NFIB: variants seen among roughly 807,000 people sequenced by gnomAD.
NFIB encodes the protein nuclear factor 1 B-type.
A neutral mutation model predicts 61.5 loss-of-function variants in NFIB; 11 were observed. The observed-to-expected ratio is 0.18, with a 90% CI of 0.11 to 0.30. NFIB has a LOEUF of 0.30. NFIB is among the 10% of genes least tolerant of loss of function. The pLI is 1.00. For synonymous variants in NFIB, 260 were observed against 216.5 expected, an observed-to-expected ratio of 1.20 and a Z score of -1.76; for missense variants, 471 against 608.9, an observed-to-expected ratio of 0.77 and a Z score of 2.38.
the NFIB span, among the ~76,000 whole-genome samples, chr9:14,491,044 A>T: frequency 6.6e-6 from 1 of 152,240 alleles, no homozygotes; most frequent in Non-Finnish European, 1.5e-5. Flanking sequence ...AGAAATTAAA[A>T]GAAGCCCAAA....
At chr9:14,102,637 G>GA (rs56666602) in intron 10 of NFIB, 45,563 of 397,072 alleles carry the variant, frequency 0.11, 2,493 homozygotes, top group African/African-American at 0.37. Flanking sequence ...GCAACTTAAA[G>GA]AAAAAAAAAA....
chr9:14,154,002 T>C lies in NFIB; in HGVS notation c.685+1823A>G, dbSNP rs370012729. 2.4e-4 allele frequency among the ~76,000 whole-genome samples: 37 copies of C among 152,304 alleles called. 1 individual carries two copies. The highest frequency in any genetic ancestry group is 2.3e-3 in the East Asian group (12 of 5,188). On this transcript the variant is annotated intron_variant, in intron 4 of 10. Transcript: ENST00000380953. ...AATTACAAATCAGTAATGTTTGTTATAACAAATAACCTAAAAGTTTCTAGG... is the reference window on the plus strand; with the variant it reads ...AATTACAAATCAGTAATGTTTGTTACAACAAATAACCTAAAAGTTTCTAGG...
intron 2 of NFIB, among the ~76,000 whole-genome samples, chr9:14,293,220 C>T (rs547364401): frequency 4.6e-5 from 7 of 152,286 alleles, no homozygotes; most frequent in African/African-American, 1.7e-4. Flanking sequence ...ATTCAGTAGT[C>T]TCATTTGCAT....
chr9:14,330,567 T>C (rs2060808780), intron 1 of NFIB, among the ~76,000 whole-genome samples: 1 of 152,228 alleles, frequency 6.6e-6, no homozygotes. Flanking sequence ...GTAAAATTCT[T>C]AGAAATTTGC....
intron 2 of NFIB, among the ~76,000 whole-genome samples, chr9:14,255,848 C>G (rs977848522): frequency 2.0e-5 from 3 of 152,184 alleles, no homozygotes; most frequent in Non-Finnish European, 4.4e-5. Flanking sequence ...CTTTGGAAAA[C>G]ATTGAATTCA....
intron 1 of NFIB, among the ~76,000 whole-genome samples, chr9:14,382,985 T>G (rs2061506039): frequency 6.6e-6 from 1 of 152,022 alleles, no homozygotes; most frequent in African/African-American, 2.4e-5. Flanking sequence ...ACAGCACAAT[T>G]TGGAGAGAAG....
At chr9:14,246,899 C>G (rs186659167) in intron 2 of NFIB, among the ~76,000 whole-genome samples, 1 of 152,250 alleles carries the variant, frequency 6.6e-6, no homozygotes, top group Non-Finnish European at 1.5e-5. Context: ...TAAATGAGGT[C>G]ATAAAGTTGA....
intron 2 of NFIB, among the ~76,000 whole-genome samples, chr9:14,286,442 C>T (rs1475796203): frequency 6.6e-6 from 1 of 152,150 alleles, no homozygotes; most frequent in African/African-American, 2.4e-5. Flanking sequence ...CTACCATGTA[C>T]ACACTACAAA....
chr9:14,263,712 C>T (rs1213710934), intron 2 of NFIB, among the ~76,000 whole-genome samples: 1 of 152,194 alleles, frequency 6.6e-6, no homozygotes, highest in Non-Finnish European at 1.5e-5. Flanking sequence ...TATGAGCCTA[C>T]ATTATCAAAT....
At chr9:14,302,658 A>T in intron 2 of NFIB, among the ~76,000 whole-genome samples, 1 of 152,128 alleles carries the variant, frequency 6.6e-6, no homozygotes, top group East Asian at 1.9e-4. Context: ...ATCTCTTGAG[A>T]TCTTTAAATG....
intron 2 of NFIB, among the ~76,000 whole-genome samples, chr9:14,238,637 C>A (rs1044602597): frequency 5.9e-5 from 9 of 152,174 alleles, no homozygotes; most frequent in African/African-American, 2.2e-4. Flanking sequence ...TGAGGGCTTA[C>A]ATCCGCCTGG....
At chr9:14,459,860 A>G in the NFIB span, among the ~76,000 whole-genome samples, 18 of 151,268 alleles carry the variant, frequency 1.2e-4, no homozygotes, top group South Asian at 6.3e-4. Context: ...TTAAAAAGTC[A>G]GGAAACAACA....
chr9:14,206,695 CAAAAAAAAAAAAA>C (rs889983433), intron 2 of NFIB, among the ~76,000 whole-genome samples: 183 of 71,288 alleles, frequency 2.6e-3, no homozygotes, highest in South Asian at 0.018. Flanking sequence ...ACATGCTTTA[CAAAAAAAAAAAAA>C]AAAAAAAAAA....
At chr9:14,200,073 G>T (rs1208121092) in intron 2 of NFIB, among the ~76,000 whole-genome samples, 1 of 152,098 alleles carries the variant, frequency 6.6e-6, no homozygotes, top group Non-Finnish European at 1.5e-5. Flanking sequence ...TTTGCCCCTA[G>T]GTCTGAAGGC....
At chr9:14,357,713 T>A (rs907224699) in intron 1 of NFIB, 3 of 152,166 alleles carry the variant, frequency 2.0e-5, no homozygotes, top group African/African-American at 7.2e-5. Flanking sequence ...AGCCTTTTCA[T>A]AATAGCCAAA....
intron 4 of NFIB, among the ~76,000 whole-genome samples, chr9:14,151,567 G>T (rs1187064435): frequency 6.6e-6 from 1 of 152,124 alleles, no homozygotes; most frequent in Admixed American, 6.6e-5. Flanking sequence ...AAGGGAAAAA[G>T]AATCCAATAC....
intron 1 of NFIB, among the ~76,000 whole-genome samples, chr9:14,365,957 C>G (rs1243063299): frequency 3.9e-5 from 6 of 152,136 alleles, no homozygotes; most frequent in African/African-American, 1.4e-4. Context: ...GCTTAGGGAT[C>G]AGTTTCTCTA....
At chr9:14,521,616 T>C in the NFIB span, among the ~76,000 whole-genome samples, 8,686 of 89,316 alleles carry the variant, frequency 0.097, 380 homozygotes, top group East Asian at 0.29. Flanking sequence ...TGGATGGTGA[T>C]ATCTGAAAAA....
In NFIB at chr9:14,090,705, A is replaced by C. The variant is rs60203616; in HGVS notation, c.1468-2379T>G. Among the ~76,000 whole-genome samples the C allele has an allele frequency of 9.2e-4, 140 of 152,212 alleles. No homozygotes were observed. In the East Asian group the frequency reaches 0.024, roughly 26 times the overall value. ...TAAAGCAGATAATCCTTGACAGTAA[A>C]ATACAATGTCAACAAGCAGCAAATT... On this transcript the variant is annotated intron_variant, in intron 10 of 10. Transcript: ENST00000380953.
Sources: allele counts gnomAD v4.1 joint callset (sites outside exome capture counted in the v4.1 genomes callset), GRCh38; gene constraint gnomAD v4.1.1; transcripts MANE v1.5; gene names NCBI Gene and HGNC (gene_info 2026-07-23, HGNC 2026-07-21).